Variants in TERB1 observed in about 807,000 individuals in gnomAD.
TERB1 encodes telomere repeat binding bouquet formation protein 1, also known as telomere repeats-binding bouquet formation protein 1.
In TERB1, 63 loss-of-function variants were observed where a neutral mutation model predicts 92.3. The ratio of observed to expected loss-of-function variants is 0.68; its 90% CI spans 0.56 to 0.84. The LOEUF (loss-of-function observed/expected upper bound fraction) is 0.84, where lower values mean the gene tolerates loss of function less well. Among genes scored for constraint, TERB1 ranks in the 40% least tolerant of loss-of-function variants. The pLI is 0.00. For missense variants in TERB1, 709 were observed against 843.7 expected, an observed-to-expected ratio of 0.84 and a Z score of 1.98; for synonymous variants, 252 against 283.9, an observed-to-expected ratio of 0.89 and a Z score of 1.13.
At chr16:66,765,059 T>C (rs114398278) in intron 16 of TERB1, among the ~76,000 whole-genome samples, 173 of 152,332 alleles carry the variant, frequency 1.1e-3, no homozygotes, top group African/African-American at 4.1e-3. Flanking sequence ...AGAATACTTG[T>C]GGCAATCTGG....
Position 66,796,800 on chromosome 16 carries a change from C to A in TERB1, c.-2G>T. On this transcript the variant is annotated 5_prime_UTR_variant, in exon 3 of 19. Transcript: ENST00000433154. ...TTTCTTTGTGTCTTCACTTTCCATG[C>A]TTGTCTATATTCTTTTTCCTTATAT... 1 of 1,526,740 alleles carries A rather than the reference C, an allele frequency of 6.5e-7. No individual in the cohort carries two copies. Among genetic ancestry groups the A allele is most frequent in the Non-Finnish European group, 8.9e-7 (1 of 1,125,042 alleles). 94.6% of individuals were successfully genotyped at this position (1,526,740 alleles called of 1,614,324 possible). A position where few individuals can be genotyped will look rare whatever the true frequency, so the allele number is the denominator to read the frequency against.
At chr16:66,771,142 A>G (rs1411514008) in intron 13 of TERB1, among the ~76,000 whole-genome samples, 1 of 152,242 alleles carries the variant, frequency 6.6e-6, no homozygotes, top group African/African-American at 2.4e-5. Flanking sequence ...ATAGCATGGA[A>G]AAGCAGGCAC....
chr16:66,755,466 G>C, intron 18 of TERB1, among the ~76,000 whole-genome samples: 1 of 152,198 alleles, frequency 6.6e-6, no homozygotes, highest in Non-Finnish European at 1.5e-5. Context: ...CAACATTCCT[G>C]TGAGGACAGT....
intron 3 of TERB1, among the ~76,000 whole-genome samples, chr16:66,794,397 GTCTGCAAGAAACT>G (rs2018891425): frequency 6.6e-6 from 1 of 152,086 alleles, no homozygotes. Context: ...ACCAAGCCTG[GTCTGCAAGAAACT>G]TCTTTACGTA....
chr16:66,767,293 C>T (rs571015653), intron 16 of TERB1, 122 bp downstream of exon 16: 30 of 575,388 alleles, frequency 5.2e-5, no homozygotes, highest in East Asian at 1.8e-4. Context: ...GAGCCAAGAT[C>T]GCGCCACTGC....
chr16:66,777,371 T>C (rs1188423053), intron 10 of TERB1, 37 bp from the exon 11 acceptor site: 2 of 1,379,496 alleles, frequency 1.4e-6, no homozygotes, highest in South Asian at 1.3e-5. Context: ...ATAGTACAAA[T>C]TTAAAACTTA....
intron 18 of TERB1, among the ~76,000 whole-genome samples, chr16:66,757,994 T>G (rs1330498050): frequency 6.6e-6 from 1 of 152,238 alleles, no homozygotes; most frequent in Non-Finnish European, 1.5e-5. Flanking sequence ...ACTATAGTTA[T>G]GAACAAAAAC....
chr16:66,772,867 A>C (rs2018477222), intron 12 of TERB1, 118 bp from the exon 13 acceptor site: 2 of 729,760 alleles, frequency 2.7e-6, no homozygotes, highest in South Asian at 4.1e-5. Context: ...CTATCTTAAC[A>C]GCTTAATTGG....
Position 66,772,613 on chromosome 16 carries a change from T to C in TERB1, c.1248A>G (p.Glu416=). The change falls in exon 13 of 19, where the codon GAA becomes GAG. Residue 416 remains glutamate, a synonymous_variant. Coordinates refer to ENST00000433154, the MANE Select transcript of TERB1 (RefSeq NM_001136505.2). ...CCTCATTTCCTTCTCTTTCAAGCTGTTCTATTCTGTGTAGAATTTCCTTTG... is the reference window on the plus strand; with the variant it reads ...CCTCATTTCCTTCTCTTTCAAGCTGCTCTATTCTGTGTAGAATTTCCTTTG... The part of the protein sequence containing the change: ...RKAKEILHRI[E]QLEREGNEEE... The C allele has an allele frequency of 6.4e-7, 1 of 1,551,354 alleles. No individual in the cohort carries two copies. Among genetic ancestry groups the C allele is most frequent in the Non-Finnish European group, 8.7e-7 (1 of 1,146,834 alleles).
At chr16:66,786,379 T>C in intron 6 of TERB1, 94 bp from the exon 7 acceptor site, 2 of 851,988 alleles carry the variant, frequency 2.3e-6, no homozygotes, top group Non-Finnish European at 3.7e-6. Context: ...TAAATAACTT[T>C]TAAACAACTT....
chr16:66,777,100 GCAATACTTTTAAGACCTTCA>G lies in TERB1; in HGVS notation c.985+83_985+102del, dbSNP rs1242341017. The G allele has an allele frequency of 2.0e-4, 224 of 1,107,714 alleles. 2 individuals carry two copies. In the East Asian group the frequency reaches 5.8e-3, roughly 29 times the overall value. 68.6% of individuals were successfully genotyped at this position (1,107,714 alleles called of 1,614,324 possible). On this transcript the variant is annotated intron_variant, in intron 11 of 18. Transcript: ENST00000433154. ...TGAGGTCTGAATGACTAGGAGAAAA[GCAATACTTTTAAGACCTTCA>G]CATAACTGGAAGAAAAAAAAAAACA...
chr16:66,775,756 A>G (rs935360265), intron 11 of TERB1, among the ~76,000 whole-genome samples: 8 of 141,482 alleles, frequency 5.7e-5, no homozygotes, highest in African/African-American at 2.1e-4. Flanking sequence ...TGTCACCCTG[A>G]CTGGAGTGCA....
intron 12 of TERB1, among the ~76,000 whole-genome samples, chr16:66,773,590 T>C (rs1437680437): frequency 6.6e-6 from 1 of 152,172 alleles, no homozygotes; most frequent in Non-Finnish European, 1.5e-5. Context: ...TCCTTTCTTT[T>C]CACCTAATTA....
At chr16:66,767,600 C>T (rs2018369818) in intron 15 of TERB1, 90 bp from the exon 16 acceptor site, 1 of 661,414 alleles carries the variant, frequency 1.5e-6, no homozygotes, top group African/African-American at 1.9e-5. Context: ...TTTTCATAAA[C>T]CTTAGCCTAG....
chr16:66,801,226 C>T (rs1386734482), intron 1 of TERB1, among the ~76,000 whole-genome samples, 173 bp from the exon 2 acceptor site: 1 of 152,190 alleles, frequency 6.6e-6, no homozygotes, highest in Non-Finnish European at 1.5e-5. Flanking sequence ...CCTGGGGAGG[C>T]GCCTGGGGAG....
rs992823280 is a variant in TERB1, at chr16:66,790,541, G to T, written c.271+54C>A. ...CTATAAAATTAGTTTTGAGTATACT[G>T]TTAAAATATAACACAATGCTTAAAG... On this transcript the variant is annotated intron_variant, in intron 5 of 18. Transcript: ENST00000433154. 68 of 1,360,810 alleles carry T rather than the reference G, an allele frequency of 5.0e-5. 1 individual carries two copies. In the Admixed American group the frequency reaches 1.6e-3, roughly 32 times the overall value. 84.3% of individuals were successfully genotyped at this position (1,360,810 alleles called of 1,614,324 possible).
intron 9 of TERB1, among the ~76,000 whole-genome samples, chr16:66,781,145 G>A (rs1378597030): frequency 6.6e-6 from 1 of 152,148 alleles, no homozygotes; most frequent in Non-Finnish European, 1.5e-5. Context: ...TTGAACTCCT[G>A]GACTCAAGTG....
rs998267374 is a variant in TERB1 at position 66,775,168 on chromosome 16, T to C, written c.1061A>G (p.Glu354Gly). Residue 354 changes from glutamate to glycine, a missense_variant, in exon 12 of 19, where the codon GAG becomes GGG. Coordinates refer to ENST00000433154, the MANE Select transcript of TERB1 (RefSeq NM_001136505.2). ...AAATGTGGCAGCTTTGTTCAGTTCC[T>C]CATTCTGCGATTCAGTTAAGGCTTG... ...MIQALTESQN[E>G]ELNKAATFVL... is the part of the protein sequence containing the mutation. 5.8e-6 allele frequency: 9 copies of C among 1,551,642 alleles called. No individual in the cohort carries two copies. Among genetic ancestry groups the C allele is most frequent in the Non-Finnish European group, 7.8e-6 (9 of 1,146,942 alleles).
intron 9 of TERB1, among the ~76,000 whole-genome samples, chr16:66,783,345 G>A (rs1254568530): frequency 6.6e-6 from 1 of 152,094 alleles, no homozygotes; most frequent in African/African-American, 2.4e-5. Context: ...TTATCATATT[G>A]TTCTTCTTTT....
Sources: allele counts gnomAD v4.1 joint callset (sites outside exome capture counted in the v4.1 genomes callset), GRCh38; gene constraint gnomAD v4.1.1; transcripts MANE v1.5; gene names NCBI Gene and HGNC (gene_info 2026-07-23, HGNC 2026-07-21).